The following PARP15 variants were observed in gnomAD, a reference collection of about 807,000 sequenced individuals.
PARP15 encodes the protein protein mono-ADP-ribosyltransferase PARP15.
PARP15 carries 50 observed loss-of-function variants against 62.1 expected under a neutral mutation model. The observed-to-expected ratio is 0.81, with a 90% CI of 0.64 to 1.02. PARP15 has a LOEUF of 1.02. Ranked by LOEUF, PARP15 falls within the 50% of genes least tolerant of loss-of-function variation. PARP15 has a pLI of 0.00. For missense variants in PARP15, 820 were observed against 826.5 expected (o/e 0.99, Z 0.10); for synonymous variants, 309 against 293.1 (o/e 1.05, Z -0.55).
At chr3:122,581,131 T>TA (rs1448530082) in intron 1 of PARP15, among the ~76,000 whole-genome samples, 4 of 152,214 alleles carry the variant, frequency 2.6e-5, no homozygotes, top group African/African-American at 4.8e-5. Context: ...CAGAATTGCC[T>TA]AATAACACAT....
chr3:122,596,738 AT>A (rs1934386114), intron 1 of PARP15, among the ~76,000 whole-genome samples: 1 of 152,190 alleles, frequency 6.6e-6, no homozygotes, highest in Admixed American at 6.5e-5. Flanking sequence ...AATAAACATC[AT>A]TTTTTAATGG....
intron 7 of PARP15, 48 bp downstream of exon 7, chr3:122,619,891 T>C (rs765989307): frequency 6.6e-7 from 1 of 1,509,916 alleles, no homozygotes; most frequent in South Asian, 1.1e-5. Flanking sequence ...ATCAGAGGGC[T>C]GAGATTACAG....
chr3:122,615,563 G>A, intron 4 of PARP15: 3 of 1,201,024 alleles, frequency 2.5e-6, no homozygotes, highest in Non-Finnish European at 3.4e-6. Context: ...CCTGGACAGT[G>A]TTAGTTTACT....
intron 2 of PARP15, 74 bp downstream of exon 2, chr3:122,606,129 G>C: frequency 7.0e-7 from 1 of 1,437,140 alleles, no homozygotes; most frequent in South Asian, 1.4e-5. Flanking sequence ...GTTGTTCCAT[G>C]ATTTAATTTG....
rs2080712047 is a variant in PARP15 at position 122,577,861 on chromosome 3, G to A, written c.186+8G>A. 2 of 1,539,700 alleles carry A rather than the reference G, an allele frequency of 1.3e-6. No individual in the cohort carries two copies. Among genetic ancestry groups the A allele is most frequent in the Admixed American group, 2.0e-5 (1 of 49,828 alleles). On this transcript the variant is annotated splice_region_variant and intron_variant, in intron 1 of 11. Coordinates refer to ENST00000464300, the MANE Select transcript of PARP15 (RefSeq NM_001113523.3). The stretch of plus-strand genomic sequence containing the variant: ...TCTTCCTCCCGGAGTATGGTGAGGA[G>A]CGCGGGGGACGGGTGCGGGAAGGGG...
intron 9 of PARP15, among the ~76,000 whole-genome samples, chr3:122,627,481 A>C (rs1224721856): frequency 6.6e-6 from 1 of 152,220 alleles, no homozygotes; most frequent in Non-Finnish European, 1.5e-5. Context: ...GGTGTACTAC[A>C]TCACAAGCAG....
intron 1 of PARP15, among the ~76,000 whole-genome samples, chr3:122,592,079 C>G (rs1167937831): frequency 6.6e-6 from 1 of 152,162 alleles, no homozygotes; most frequent in South Asian, 2.1e-4. Flanking sequence ...ACCTGGCAAT[C>G]CCATTACTGG....
intron 8 of PARP15, among the ~76,000 whole-genome samples, chr3:122,625,382 T>C (rs1225043047): frequency 6.6e-6 from 1 of 152,062 alleles, no homozygotes; most frequent in Non-Finnish European, 1.5e-5. Flanking sequence ...GCTTCCCGAG[T>C]AGCTGGGATT....
Position 122,637,240 on chromosome 3 carries a change from A to C in PARP15, c.*1140A>C, listed in dbSNP as rs1576558368. ...ACTGTCCTCTTGTCCTTCTCCCCCA[A>C]CCCTCCCCTGCTCCCAGGCAAGAAG... On this transcript the variant is annotated 3_prime_UTR_variant, in exon 12 of 12. Transcript: ENST00000464300. 1 of 151,328 alleles carries C rather than the reference A, an allele frequency of 6.6e-6. No individual in the cohort carries two copies. The highest frequency in any genetic ancestry group is 2.4e-5 in the African/African-American group (1 of 41,128). 9.4% of individuals were successfully genotyped at this position (151,328 alleles called of 1,614,324 possible).
chr3:122,630,955 G>A (rs1937027284), intron 9 of PARP15, among the ~76,000 whole-genome samples: 1 of 152,142 alleles, frequency 6.6e-6, no homozygotes, highest in African/African-American at 2.4e-5. Context: ...CATATGGCTG[G>A]TCACAGGTTG....
chr3:122,623,128 G>A (rs1013483550), intron 8 of PARP15, among the ~76,000 whole-genome samples: 1 of 152,194 alleles, frequency 6.6e-6, no homozygotes, highest in Non-Finnish European at 1.5e-5. Flanking sequence ...CAATAGGGAA[G>A]CCAGGGGGAA....
At chr3:122,631,976 C>G in intron 9 of PARP15, 110 bp from the exon 10 acceptor site, 2 of 1,222,666 alleles carry the variant, frequency 1.6e-6, no homozygotes, top group South Asian at 2.5e-5. Flanking sequence ...TGTAACTTCT[C>G]CTTTAAAGAC....
intron 8 of PARP15, among the ~76,000 whole-genome samples, chr3:122,623,155 T>C (rs920916711): frequency 1.1e-4 from 16 of 152,214 alleles, no homozygotes; most frequent in African/African-American, 3.9e-4. Flanking sequence ...GCAGGCATTT[T>C]GTTACCACTT....
At chr3:122,594,224 C>T (rs1276259119) in intron 1 of PARP15, among the ~76,000 whole-genome samples, 2 of 152,026 alleles carry the variant, frequency 1.3e-5, no homozygotes, top group African/African-American at 4.8e-5. Context: ...TCACTTGAGC[C>T]AAGGAGTTTA....
intron 2 of PARP15, among the ~76,000 whole-genome samples, chr3:122,608,233 T>TTTTTTC (rs1553730643): frequency 4.1e-5 from 6 of 146,696 alleles, no homozygotes; most frequent in African/African-American, 1.6e-4. Flanking sequence ...TTTTTTTTTT[T>TTTTTTC]TGATACTGAG....
intron 9 of PARP15, among the ~76,000 whole-genome samples, chr3:122,628,600 T>C (rs1195320568): frequency 6.6e-6 from 1 of 152,176 alleles, no homozygotes; most frequent in Admixed American, 6.5e-5. Flanking sequence ...TTCATCGAGA[T>C]TTTAAACTGA....
intron 1 of PARP15, among the ~76,000 whole-genome samples, chr3:122,583,114 C>CTTTTTTTTTTTTTTTTTTTTT (rs67942585): frequency 1.2e-5 from 1 of 83,444 alleles, no homozygotes; most frequent in African/African-American, 5.3e-5. Context: ...TCATCTGTAT[C>CTTTTTTTTTTTTTTTTTTTTT]TTTTTTTTTT....
Position 122,616,956 on chromosome 3 carries a change from A to G in PARP15, c.851-59A>G, listed in dbSNP as rs559461116. 11 of 1,567,112 alleles carry G rather than the reference A, an allele frequency of 7.0e-6. No individual in the cohort carries two copies. In the African/African-American group the frequency reaches 1.5e-4, roughly 21 times the overall value. On this transcript the variant is annotated intron_variant, in intron 5 of 11. Transcript: ENST00000464300. ...GGGAAGAGAATAGGGCCCCAAGATG[A>G]GTGCTGTTCCTCCAGAAGCTGAGCC...
intron 2 of PARP15, among the ~76,000 whole-genome samples, chr3:122,608,390 A>AT (rs1427083432): frequency 1.3e-5 from 2 of 151,040 alleles, no homozygotes; most frequent in Admixed American, 6.6e-5. Flanking sequence ...TAATTTTTCT[A>AT]TTTTTAGTAG....
Sources: gnomAD v4.1 joint callset for allele counts (sites outside exome capture counted in the v4.1 genomes callset) on GRCh38, gnomAD v4.1.1 for gene constraint, MANE v1.5 for transcripts, NCBI Gene and HGNC (gene_info 2026-07-23, HGNC 2026-07-21) for gene names.